The following SUMF1 variants were observed in gnomAD, a reference collection of about 807,000 sequenced individuals.
SUMF1 encodes sulfatase modifying factor 1.
A neutral mutation model predicts 47.6 loss-of-function variants in SUMF1; 48 were observed. The ratio of observed to expected loss-of-function variants is 1.01; its 90% CI spans 0.80 to 1.28. SUMF1 has a LOEUF of 1.28. SUMF1 is among the 50% of genes most tolerant of loss of function. The probability of loss-of-function intolerance (pLI) is 0.00; values close to 1 mark genes in which losing one functional copy is unlikely to be tolerated. For missense variants in SUMF1, 571 were observed against 485.4 expected, an observed-to-expected ratio of 1.18 and a Z score of -1.66; for synonymous variants, 230 against 192.1, an observed-to-expected ratio of 1.20 and a Z score of -1.63.
chr3:4,256,992 A>G (rs890460817), intron 8 of SUMF1, among the ~76,000 whole-genome samples: 1 of 124,728 alleles, frequency 8.0e-6, no homozygotes, highest in Non-Finnish European at 1.6e-5. Context: ...GCATATAAAC[A>G]GAGCCAAAGA....
At chr3:4,361,051 C>T (rs554544600), downstream of SUMF1, 12 of 152,224 alleles carry the variant, frequency 7.9e-5, no homozygotes, top group East Asian at 1.5e-3. Context: ...CAAACATGAA[C>T]GTTTTCTAGC....
chr3:4,167,741 A>C (rs1694741672), intron 8 of SUMF1, among the ~76,000 whole-genome samples: 1 of 152,202 alleles, frequency 6.6e-6, no homozygotes, highest in Admixed American at 6.5e-5. Flanking sequence ...TGCAAGGAGC[A>C]CAGCAGAAAG....
chr3:4,174,817 G>T (rs1694922302), intron 8 of SUMF1, among the ~76,000 whole-genome samples: 1 of 152,144 alleles, frequency 6.6e-6, no homozygotes, highest in Non-Finnish European at 1.5e-5. Flanking sequence ...GGAAAAAAGG[G>T]ACACTCCCAC....
At chr3:4,394,230 C>T (rs774604624) in intron 7 of SUMF1, among the ~76,000 whole-genome samples, 3 of 151,954 alleles carry the variant, frequency 2.0e-5, no homozygotes, top group Non-Finnish European at 2.9e-5. Context: ...AGTGCAGTGG[C>T]GTGATCATGA....
At chr3:4,288,920 T>C (rs1335322628) in intron 8 of SUMF1, among the ~76,000 whole-genome samples, 4 of 152,216 alleles carry the variant, frequency 2.6e-5, no homozygotes, top group South Asian at 2.1e-4. Context: ...ACTTCCTTAT[T>C]ATTTACTGTT....
At chr3:4,264,324 GGAGCAGT>G (rs1697145812) in intron 8 of SUMF1, among the ~76,000 whole-genome samples, 1 of 152,150 alleles carries the variant, frequency 6.6e-6, no homozygotes, top group African/African-American at 2.4e-5. Context: ...AATCTGGGAA[GGAGCAGT>G]GAGACTTTTA....
intron 8 of SUMF1, among the ~76,000 whole-genome samples, chr3:4,332,739 G>A (rs1699074308): frequency 6.6e-6 from 1 of 152,124 alleles, no homozygotes; most frequent in South Asian, 2.1e-4. Flanking sequence ...GGGAAATACT[G>A]GGTAGAAGAG....
At chr3:4,041,416 C>A (rs1173638296) in intron 9 of SUMF1, among the ~76,000 whole-genome samples, 1 of 152,178 alleles carries the variant, frequency 6.6e-6, no homozygotes, top group Non-Finnish European at 1.5e-5. Flanking sequence ...CTTTTTATTT[C>A]CCTTTCACGT....
chr3:4,462,254 T>G (rs970190437), intron 1 of SUMF1, among the ~76,000 whole-genome samples: 17 of 152,088 alleles, frequency 1.1e-4, no homozygotes, highest in African/African-American at 3.4e-4. Context: ...GAGATGTAAT[T>G]AGGGATAGGC....
chr3:4,201,351 T>C (rs1366752293), intron 8 of SUMF1, among the ~76,000 whole-genome samples: 9 of 152,072 alleles, frequency 5.9e-5, no homozygotes, highest in Non-Finnish European at 1.3e-4. Flanking sequence ...ATGAGTTCAA[T>C]TGCTTTAATT....
intron 9 of SUMF1, among the ~76,000 whole-genome samples, chr3:4,065,913 A>G (rs1695364668): frequency 6.6e-6 from 1 of 152,156 alleles, no homozygotes; most frequent in Non-Finnish European, 1.5e-5. Flanking sequence ...TTGTGATATG[A>G]CAGGGGAAAA....
chr3:4,443,372 G>C (rs1421020154), intron 3 of SUMF1, among the ~76,000 whole-genome samples: 1 of 152,128 alleles, frequency 6.6e-6, no homozygotes, highest in African/African-American at 2.4e-5. Flanking sequence ...AGATGAGGTA[G>C]AGAAGTCAAG....
At chr3:4,249,617 C>T (rs1252137083) in intron 8 of SUMF1, among the ~76,000 whole-genome samples, 2 of 152,110 alleles carry the variant, frequency 1.3e-5, no homozygotes, top group Non-Finnish European at 2.9e-5. Flanking sequence ...CTCCTCCAGG[C>T]CTCCCAATTC....
At chr3:4,311,859 T>G (rs1698418151) in intron 8 of SUMF1, among the ~76,000 whole-genome samples, 2 of 152,252 alleles carry the variant, frequency 1.3e-5, no homozygotes, top group Non-Finnish European at 2.9e-5. Context: ...AATTACTATA[T>G]ACATAAAAAA....
chr3:4,244,118 A>C (rs1350817342), intron 8 of SUMF1, among the ~76,000 whole-genome samples: 1 of 151,924 alleles, frequency 6.6e-6, no homozygotes, highest in Admixed American at 6.6e-5. Context: ...TGCTTGGTGG[A>C]TCTTCCTCCA....
intron 8 of SUMF1, among the ~76,000 whole-genome samples, chr3:4,262,961 G>T (rs373520252): frequency 7.9e-5 from 12 of 152,312 alleles, no homozygotes; most frequent in African/African-American, 2.9e-4. Context: ...GGGCCAGAAT[G>T]ATGGCACTAG....
chr3:4,058,591 G>T (rs979105280), intron 9 of SUMF1, among the ~76,000 whole-genome samples: 1 of 152,128 alleles, frequency 6.6e-6, no homozygotes, highest in African/African-American at 2.4e-5. Flanking sequence ...AAAAGGAAAA[G>T]AGGAGGATAG....
At chr3:4,120,596 C>G (rs747082827) in intron 8 of SUMF1, among the ~76,000 whole-genome samples, 1 of 152,084 alleles carries the variant, frequency 6.6e-6, no homozygotes, top group Non-Finnish European at 1.5e-5. Flanking sequence ...CAAGGCCAAA[C>G]AGCTGGCCTA....
intron 9 of SUMF1, among the ~76,000 whole-genome samples, chr3:4,059,041 G>A (rs1477858724): frequency 6.6e-6 from 1 of 152,070 alleles, no homozygotes; most frequent in African/African-American, 2.4e-5. Flanking sequence ...AGAGAAAAGA[G>A]GGCATTTGGG....
Sources: allele counts gnomAD v4.1 joint callset (sites outside exome capture counted in the v4.1 genomes callset), GRCh38; gene constraint gnomAD v4.1.1; transcripts MANE v1.5; gene names NCBI Gene and HGNC (gene_info 2026-07-23, HGNC 2026-07-21).